The following LOXHD1 variants were observed in gnomAD, a reference collection of about 807,000 sequenced individuals.
The protein encoded by LOXHD1 is lipoxygenase homology domain-containing protein 1.
A neutral mutation model predicts 248.2 loss-of-function variants in LOXHD1; 205 were observed. The observed-to-expected ratio is 0.83, with a 90% CI of 0.74 to 0.93. The LOEUF is 0.93. Among genes scored for constraint, LOXHD1 ranks in the 40% least tolerant of loss-of-function variants. The probability of loss-of-function intolerance (pLI) is 0.00; values close to 1 mark genes in which losing one functional copy is unlikely to be tolerated. For synonymous variants in LOXHD1, 1,113 were observed against 1,162.8 expected, an observed-to-expected ratio of 0.96 and a Z score of 0.87; for missense variants, 2,930 against 2,971.6, an observed-to-expected ratio of 0.99 and a Z score of 0.33.
intron 37 of LOXHD1, among the ~76,000 whole-genome samples, chr18:46,500,535 T>C (rs182841645): frequency 1.3e-5 from 2 of 152,312 alleles, no homozygotes; most frequent in Non-Finnish European, 2.9e-5. Context: ...TTCTTAATCA[T>C]CTTTTGAAGT....
intron 5 of LOXHD1, among the ~76,000 whole-genome samples, chr18:46,617,882 G>A (rs781742537): frequency 2.6e-5 from 4 of 152,240 alleles, no homozygotes; most frequent in Non-Finnish European, 5.9e-5. Flanking sequence ...GATAGAGTAA[G>A]TGAGAATGAG....
At chr18:46,556,780 T>G (rs771553396) in intron 21 of LOXHD1, 1 of 186,182 alleles carries the variant, frequency 5.4e-6, no homozygotes, top group Non-Finnish European at 1.1e-5. Flanking sequence ...ACCCTCAGTC[T>G]CAGACATCAC....
rs764500713 is a variant in LOXHD1, at chr18:46,509,787, T to C, written c.5428A>G (p.Ile1810Val). 3 of 1,549,318 alleles carry C rather than the reference T, an allele frequency of 1.9e-6. No homozygotes were observed. In the East Asian group the frequency reaches 7.3e-5, roughly 38 times the overall value. ...RFEREQNDTF[I>V]MEILDIAPFT... is the part of the protein sequence containing the mutation. ...GGAGCAATGTCTAGGATCTCCATGATGAAGGTGTCGTTCTGCTCCCGCTCA... is the reference window on the plus strand; with the variant it reads ...GGAGCAATGTCTAGGATCTCCATGACGAAGGTGTCGTTCTGCTCCCGCTCA... Residue 1810 changes from isoleucine to valine, a missense_variant, in exon 35 of 41, where the codon ATC becomes GTC. Physicochemically the swap from Ile to Val is conservative, Grantham distance 29. Coordinates refer to ENST00000642948, the MANE Select transcript of LOXHD1 (RefSeq NM_001384474.1).
At chr18:46,654,170 C>T (rs1204280271) in intron 1 of LOXHD1, among the ~76,000 whole-genome samples, 1 of 152,224 alleles carries the variant, frequency 6.6e-6, no homozygotes, top group Non-Finnish European at 1.5e-5. Context: ...TCACCAGATA[C>T]TGGCACCTTG....
At chr18:46,633,536 A>C (rs1348689391) in intron 4 of LOXHD1, among the ~76,000 whole-genome samples, 1 of 152,222 alleles carries the variant, frequency 6.6e-6, no homozygotes, top group Non-Finnish European at 1.5e-5. Context: ...AAAACATGGG[A>C]GAAAAATCTT....
intron 19 of LOXHD1, 26 bp downstream of exon 19, chr18:46,560,057 A>AACC: frequency 6.5e-5 from 17 of 261,644 alleles, no homozygotes; most frequent in South Asian, 2.2e-4. Context: ...CTCCCTCCCC[A>AACC]CCCCCACCCC....
At chr18:46,607,338 C>CATGTACATATACATACATATATACATAT (rs1359445985) in intron 6 of LOXHD1, among the ~76,000 whole-genome samples, 1 of 149,378 alleles carries the variant, frequency 6.7e-6, no homozygotes, top group South Asian at 2.1e-4. Flanking sequence ...TGCATATATA[C>CATGTACATATACATACATATATACATAT]ATGTACATAT....
chr18:46,497,186 G>A (rs1343335683), intron 37 of LOXHD1, among the ~76,000 whole-genome samples: 2 of 152,130 alleles, frequency 1.3e-5, no homozygotes, highest in African/African-American at 4.8e-5. Context: ...TTAAACCCAA[G>A]AGCCATTATG....
chr18:46,584,437 A>G (rs1162462671), intron 12 of LOXHD1, among the ~76,000 whole-genome samples: 1 of 152,204 alleles, frequency 6.6e-6, no homozygotes, highest in Non-Finnish European at 1.5e-5. Context: ...GGATAGGCTA[A>G]CAACACTGAT....
At chr18:46,519,328 C>T (rs1183973617) in intron 33 of LOXHD1, among the ~76,000 whole-genome samples, 1 of 152,186 alleles carries the variant, frequency 6.6e-6, no homozygotes, top group African/African-American at 2.4e-5. Flanking sequence ...GGGGCCTGGT[C>T]CCCATTACCC....
intron 40 of LOXHD1, among the ~76,000 whole-genome samples, 170 bp from the exon 41 acceptor site, chr18:46,478,122 C>T (rs1022809244): frequency 6.6e-6 from 1 of 152,222 alleles, no homozygotes; most frequent in South Asian, 2.1e-4. Context: ...TGTTTAACTT[C>T]AAATTCACCA....
At chr18:46,649,379 T>C (rs2039078401) in intron 1 of LOXHD1, 110 bp from the exon 2 acceptor site, 3 of 851,810 alleles carry the variant, frequency 3.5e-6, no homozygotes, top group African/African-American at 3.4e-5. Context: ...AAAGGACTCT[T>C]GGAATCCCTG....
At chr18:46,616,669 A>G (rs146922546) in intron 5 of LOXHD1, among the ~76,000 whole-genome samples, 6 of 152,226 alleles carry the variant, frequency 3.9e-5, no homozygotes, top group African/African-American at 1.4e-4. Context: ...AACTCTATTT[A>G]TCTTTGTTTG....
chr18:46,496,960 C>T (rs960809971), intron 37 of LOXHD1, among the ~76,000 whole-genome samples: 1 of 152,082 alleles, frequency 6.6e-6, no homozygotes, highest in African/African-American at 2.4e-5. Flanking sequence ...CAGAGATGGC[C>T]CCACTGCACT....
chr18:46,564,897 C>A (rs974177511), intron 17 of LOXHD1, among the ~76,000 whole-genome samples: 1 of 152,168 alleles, frequency 6.6e-6, no homozygotes. Context: ...GGTGATTTCA[C>A]ACTGGGGTTC....
intron 12 of LOXHD1, 87 bp downstream of exon 12, chr18:46,591,846 A>G: frequency 2.0e-6 from 3 of 1,488,116 alleles, no homozygotes; most frequent in Admixed American, 4.0e-5. Flanking sequence ...CAAAGCAGAC[A>G]AGACTCTCAG....
At chr18:46,479,615 G>C (rs2032375208) in intron 40 of LOXHD1, among the ~76,000 whole-genome samples, 1 of 151,982 alleles carries the variant, frequency 6.6e-6, no homozygotes, top group Admixed American at 6.6e-5. Context: ...CAATTGCTAT[G>C]GTTTCTTCCC....
intron 23 of LOXHD1, among the ~76,000 whole-genome samples, chr18:46,543,620 A>C (rs1233552480): frequency 4.6e-5 from 7 of 151,724 alleles, no homozygotes; most frequent in Non-Finnish European, 8.8e-5. Context: ...CCCTGTGTCC[A>C]TGTGTTCTCA....
At chr18:46,560,877 A>G (rs1424574153) in intron 18 of LOXHD1, among the ~76,000 whole-genome samples, 2 of 151,778 alleles carry the variant, frequency 1.3e-5, no homozygotes, top group Non-Finnish European at 2.9e-5. Context: ...CCTCATTCCT[A>G]TGATTTCTGT....
Sources: gnomAD v4.1 joint callset for allele counts (sites outside exome capture counted in the v4.1 genomes callset) on GRCh38, gnomAD v4.1.1 for gene constraint, MANE v1.5 for transcripts, NCBI Gene and HGNC (gene_info 2026-07-23, HGNC 2026-07-21) for gene names.